Variants in RCAN2 observed in about 807,000 individuals in gnomAD.
RCAN2 encodes the protein regulator of calcineurin 2, also known as calcipressin-2.
RCAN2 carries 9 observed loss-of-function variants against 23.6 expected under a neutral mutation model. The ratio of observed to expected loss-of-function variants is 0.38; its 90% CI spans 0.23 to 0.67. RCAN2 has a LOEUF of 0.67. RCAN2 is among the 30% of genes least tolerant of loss of function. The probability of loss-of-function intolerance (pLI) is 0.51; values close to 1 mark genes in which losing one functional copy is unlikely to be tolerated. For synonymous variants in RCAN2, 109 were observed against 115.7 expected (o/e 0.94, Z 0.37); for missense variants, 273 against 302.3 (o/e 0.90, Z 0.72).
At chr6:46,470,084 T>C (rs1045174377) in intron 1 of RCAN2, among the ~76,000 whole-genome samples, 1 of 152,238 alleles carries the variant, frequency 6.6e-6, no homozygotes, top group Non-Finnish European at 1.5e-5. Flanking sequence ...TCAGATATTT[T>C]AAAAATTGTC....
At chr6:46,353,630 C>T (rs1764735157) in intron 2 of RCAN2, among the ~76,000 whole-genome samples, 1 of 152,166 alleles carries the variant, frequency 6.6e-6, no homozygotes, top group East Asian at 1.9e-4. Flanking sequence ...GGAGAGTAGA[C>T]GCTAGGATGA....
chr6:46,489,115 T>A (rs766094478), intron 1 of RCAN2, among the ~76,000 whole-genome samples: 1 of 152,342 alleles, frequency 6.6e-6, no homozygotes, highest in Middle Eastern at 3.4e-3. Flanking sequence ...GTCCTCTGAA[T>A]GTGACCTTTC....
intron 2 of RCAN2, among the ~76,000 whole-genome samples, chr6:46,405,933 G>A (rs1019168704): frequency 6.6e-6 from 1 of 152,214 alleles, no homozygotes; most frequent in Non-Finnish European, 1.5e-5. Flanking sequence ...CTAAGGCCTG[G>A]CAAGAGATCG....
intron 2 of RCAN2, among the ~76,000 whole-genome samples, chr6:46,338,756 T>C (rs1335789438): frequency 6.6e-6 from 1 of 152,116 alleles, no homozygotes; most frequent in Admixed American, 6.5e-5. Flanking sequence ...CTCACGCTTA[T>C]AATCCCAGCA....
At chr6:46,368,848 TAC>T (rs1765249404) in intron 2 of RCAN2, among the ~76,000 whole-genome samples, 1 of 152,192 alleles carries the variant, frequency 6.6e-6, no homozygotes, top group African/African-American at 2.4e-5. Context: ...ATAAATACTG[TAC>T]ATGTAGGCTA....
intron 2 of RCAN2, among the ~76,000 whole-genome samples, chr6:46,394,687 G>A (rs1320434445): frequency 6.6e-6 from 1 of 152,102 alleles, no homozygotes; most frequent in Non-Finnish European, 1.5e-5. Flanking sequence ...GGAGTCACTG[G>A]AGCATTTTGA....
At chr6:46,434,838 C>CAGTG (rs1301355699) in intron 2 of RCAN2, among the ~76,000 whole-genome samples, 1 of 152,156 alleles carries the variant, frequency 6.6e-6, no homozygotes, top group African/African-American at 2.4e-5. Context: ...TACTGTCAGC[C>CAGTG]AGTGGGTAGA....
At chr6:46,469,958 C>T (rs563856323) in intron 1 of RCAN2, among the ~76,000 whole-genome samples, 6 of 152,114 alleles carry the variant, frequency 3.9e-5, no homozygotes, top group Non-Finnish European at 8.8e-5. Context: ...AGAGAACCAC[C>T]CTCACCAGAC....
chr6:46,407,648 C>A (rs1048810202), intron 2 of RCAN2, among the ~76,000 whole-genome samples: 3 of 152,180 alleles, frequency 2.0e-5, no homozygotes, highest in Admixed American at 6.5e-5. Context: ...AGAAGGGAAT[C>A]CATTTCCAAA....
At chr6:46,267,176 T>C (rs533453698) in intron 2 of RCAN2, among the ~76,000 whole-genome samples, 1 of 152,228 alleles carries the variant, frequency 6.6e-6, no homozygotes, top group Non-Finnish European at 1.5e-5. Flanking sequence ...CTCTAATTCA[T>C]ATATTTGCCA....
chr6:46,283,653 C>T (rs1762274059), intron 2 of RCAN2, among the ~76,000 whole-genome samples: 1 of 152,166 alleles, frequency 6.6e-6, no homozygotes, highest in East Asian at 1.9e-4. Flanking sequence ...TCAGGACTGC[C>T]TTGATGGTGG....
rs575546031 is a variant in RCAN2 at position 46,376,752 on chromosome 6, CAG to C, written c.225+79998_225+79999del. On this transcript the variant is annotated intron_variant, in intron 2 of 4. Coordinates refer to ENST00000371374, the MANE Select transcript of RCAN2 (RefSeq NM_001251974.2). ...ACACGGTAGGCTCTGGGCCTCCACT[CAG>C]AGCAAAAAGGGAAAGAGGACAATGA... 5.3e-3 allele frequency among the ~76,000 whole-genome samples: 801 copies of C among 151,848 alleles called. 7 individuals are homozygous for C. The highest frequency in any genetic ancestry group is 8.2e-3 in the Non-Finnish European group (555 of 67,956).
chr6:46,288,286 G>T (rs1762434756), intron 2 of RCAN2, among the ~76,000 whole-genome samples: 1 of 152,164 alleles, frequency 6.6e-6, no homozygotes. Flanking sequence ...AGTAACTTTT[G>T]GAGAGTAGAC....
At chr6:46,445,106 C>A (rs58340128) in intron 2 of RCAN2, among the ~76,000 whole-genome samples, 10,516 of 152,158 alleles carry the variant, frequency 0.069, 508 homozygotes, top group African/African-American at 0.13. Context: ...AGCACCTAGC[C>A]AGCCCCTAGA....
At chr6:46,390,313 G>T (rs969652679) in intron 2 of RCAN2, among the ~76,000 whole-genome samples, 2 of 152,150 alleles carry the variant, frequency 1.3e-5, no homozygotes, top group Admixed American at 6.5e-5. Flanking sequence ...GTTCACAATT[G>T]TTAATAGTCT....
chr6:46,349,092 G>A lies in RCAN2; in HGVS notation c.226-100196C>T, dbSNP rs146647982. ...ATTCAGAACAAATATTAAAATTTAC[G>A]GACATTTACTTACTAATAAACATCT... On this transcript the variant is annotated intron_variant, in intron 2 of 4. Coordinates refer to ENST00000371374, the MANE Select transcript of RCAN2 (RefSeq NM_001251974.2). Among the ~76,000 whole-genome samples, 145 of 152,128 alleles carry A rather than the reference G, an allele frequency of 9.5e-4. 1 individual carries two copies. Among genetic ancestry groups the A allele is most frequent in the African/African-American group, 3.4e-3 (139 of 41,482 alleles).
At chr6:46,390,582 C>T (rs898020484) in intron 2 of RCAN2, among the ~76,000 whole-genome samples, 2 of 152,176 alleles carry the variant, frequency 1.3e-5, no homozygotes, top group African/African-American at 4.8e-5. Flanking sequence ...TATTAAAAAT[C>T]GATCAGTAAA....
chr6:46,272,373 T>C (rs1696752649), intron 2 of RCAN2, among the ~76,000 whole-genome samples: 1 of 152,232 alleles, frequency 6.6e-6, no homozygotes, highest in Admixed American at 6.5e-5. Context: ...CTGAACCTTG[T>C]ACATTCTGTC....
intron 1 of RCAN2, among the ~76,000 whole-genome samples, chr6:46,482,509 G>C (rs1362948032): frequency 6.6e-6 from 1 of 152,118 alleles, no homozygotes; most frequent in Non-Finnish European, 1.5e-5. Context: ...ACCATGTCAG[G>C]CTCCCAGATA....
Sources: allele counts gnomAD v4.1 joint callset (sites outside exome capture counted in the v4.1 genomes callset), GRCh38; gene constraint gnomAD v4.1.1; transcripts MANE v1.5; gene names NCBI Gene and HGNC (gene_info 2026-07-23, HGNC 2026-07-21).